The following TGM2 variants were observed in gnomAD, a reference collection of about 807,000 sequenced individuals.
TGM2 encodes protein-glutamine gamma-glutamyltransferase 2.
Under a neutral mutation model 75.6 loss-of-function variants are expected in TGM2, and 53 were observed. The observed-to-expected ratio is 0.70, with a 90% CI of 0.56 to 0.88. The LOEUF (loss-of-function observed/expected upper bound fraction) is 0.88, where lower values mean the gene tolerates loss of function less well. Ranked by LOEUF, TGM2 falls within the 40% of genes least tolerant of loss-of-function variation. The pLI is 0.00. For missense variants in TGM2, 842 were observed against 928.5 expected (o/e 0.91, Z 1.21); for synonymous variants, 374 against 381.1 (o/e 0.98, Z 0.22).
chr20:38,163,172 G>A (rs1233627766), intron 1 of TGM2, among the ~76,000 whole-genome samples: 1 of 152,186 alleles, frequency 6.6e-6, no homozygotes, highest in East Asian at 1.9e-4. Context: ...GGGGGTCTTG[G>A]GGGAAAACAA....
intron 6 of TGM2, 129 bp from the exon 7 acceptor site, chr20:38,142,328 C>T: frequency 6.9e-7 from 1 of 1,446,606 alleles, no homozygotes; most frequent in Non-Finnish European, 9.4e-7. Flanking sequence ...ATGAGCCAGC[C>T]CTTCCTGCCG....
chr20:38,128,645 A>C lies in TGM2; in HGVS notation c.*1574T>G, dbSNP rs1333263643. On this transcript the variant is annotated 3_prime_UTR_variant, in exon 13 of 13. Coordinates refer to ENST00000361475, the MANE Select transcript of TGM2 (RefSeq NM_004613.4). The stretch of plus-strand genomic sequence containing the variant: ...TTCCTGTGCAAAGCAGAAAGTTCTA[A>C]ATGCAACAGCATGATTCTCTCCAAG... 1 of 152,210 alleles carries C rather than the reference A, an allele frequency of 6.6e-6. No individual in the cohort carries two copies. Among genetic ancestry groups the C allele is most frequent in the Non-Finnish European group, 1.5e-5 (1 of 68,046 alleles). The allele number at this position is 152,210 out of a possible 1,614,324, so 9.4% of individuals were successfully genotyped here. A position where few individuals can be genotyped will look rare whatever the true frequency, so the allele number is the denominator to read the frequency against.
intron 2 of TGM2, 133 bp downstream of exon 2, chr20:38,161,287 G>T: frequency 8.1e-7 from 1 of 1,232,816 alleles, no homozygotes; most frequent in Non-Finnish European, 1.2e-6. Flanking sequence ...GCTGATGACA[G>T]GTGGCAATCT....
rs1001959410 is a variant in TGM2, at chr20:38,138,139, A to G, written c.1589T>C (p.Leu530Pro). The G allele has an allele frequency of 1.3e-6, 2 of 1,599,918 alleles. No homozygotes were observed. Among genetic ancestry groups the G allele is most frequent in the Non-Finnish European group, 1.7e-6 (2 of 1,173,364 alleles). ...LGPECGTKYL[L>P]NLNLEPFSEK... ...AGAGAAAGGCTCCAGGTTGAGGTTG[A>G]GCAGGTACTTGGTGCCACACTCGGG... The change falls in exon 10 of 13, where the codon CTC (leucine) becomes CCC (proline). Residue 530 changes from leucine to proline, a missense_variant. Physicochemically the swap from Leu to Pro is moderately conservative, Grantham distance 98 (BLOSUM62 -3). Transcript: ENST00000361475.
intron 11 of TGM2, 65 bp downstream of exon 11, chr20:38,132,275 G>A: frequency 6.3e-7 from 1 of 1,587,762 alleles, no homozygotes; most frequent in Non-Finnish European, 8.6e-7. Flanking sequence ...GTGGGGGTAG[G>A]GATCTGCCCT....
intron 1 of TGM2, among the ~76,000 whole-genome samples, chr20:38,161,969 A>G (rs1324932159): frequency 1.3e-5 from 2 of 152,044 alleles, no homozygotes; most frequent in East Asian, 3.9e-4. Context: ...TTTATCAGTG[A>G]GCTGGGACTA....
rs1187573694 is a variant in TGM2 at position 38,129,467 on chromosome 20, C to T, written c.*752G>A. On this transcript the variant is annotated 3_prime_UTR_variant, in exon 13 of 13. Coordinates refer to ENST00000361475, the MANE Select transcript of TGM2 (RefSeq NM_004613.4). The stretch of plus-strand genomic sequence containing the variant: ...CCCAGACTCTGCTCTTGGGCCTTCA[C>T]ATTACCCAGCCTTGCTAATAACCAC... 1.3e-5 allele frequency: 2 copies of T among 152,256 alleles called. No homozygotes were observed. Among genetic ancestry groups the T allele is most frequent in the African/African-American group, 4.8e-5 (2 of 41,458 alleles). 9.4% of individuals were successfully genotyped at this position (152,256 alleles called of 1,614,324 possible).
intron 6 of TGM2, 165 bp downstream of exon 6, chr20:38,146,552 T>C (rs757171255): frequency 1.2e-6 from 1 of 800,026 alleles, no homozygotes; most frequent in Non-Finnish European, 2.1e-6. Context: ...GGATGGCTAT[T>C]GGATAAAGGA....
intron 6 of TGM2, 141 bp from the exon 7 acceptor site, chr20:38,142,340 G>T (rs1379244193): frequency 3.7e-6 from 5 of 1,351,626 alleles, no homozygotes; most frequent in Non-Finnish European, 5.0e-6. Flanking sequence ...TTCCTGCCGG[G>T]ACAATGGCGC....
rs2074806963 is a variant in TGM2, at chr20:38,130,082, C to G, written c.*137G>C. ...GCTGAGATGGGCCAGGGGCACATTC[C>G]ATTTCCGAGAGCCCCCATAGGCTGC... On this transcript the variant is annotated 3_prime_UTR_variant, in exon 13 of 13. Transcript: ENST00000361475. 1 of 1,186,556 alleles carries G rather than the reference C, an allele frequency of 8.4e-7. No homozygotes were observed. The highest frequency in any genetic ancestry group is 1.5e-5 in the African/African-American group (1 of 66,148). 73.5% of individuals were successfully genotyped at this position (1,186,556 alleles called of 1,614,324 possible). A position where few individuals can be genotyped will look rare whatever the true frequency, so the allele number is the denominator to read the frequency against.
rs755602421 is a variant in TGM2, at chr20:38,128,019, A to T, written c.*2200T>A. 8 of 152,242 alleles carry T rather than the reference A, an allele frequency of 5.3e-5. No individual in the cohort carries two copies. The highest frequency in any genetic ancestry group is 4.4e-5 in the Non-Finnish European group (3 of 68,054). The allele number at this position is 152,242 out of a possible 1,614,324, so 9.4% of individuals were successfully genotyped here. ...GAAGGGGACAGATAGGCCAACGTGG[A>T]AGTAAAATTTACTGTGATAAATGTT... On this transcript the variant is annotated 3_prime_UTR_variant, in exon 13 of 13. Coordinates refer to ENST00000361475, the MANE Select transcript of TGM2 (RefSeq NM_004613.4).
intron 6 of TGM2, 145 bp from the exon 7 acceptor site, chr20:38,142,344 ATG>A: frequency 7.6e-7 from 1 of 1,311,400 alleles, no homozygotes; most frequent in Non-Finnish European, 1.0e-6. Flanking sequence ...TGCCGGGACA[ATG>A]GCGCCCACCT....
chr20:38,138,049 A>AG (rs539360743), intron 10 of TGM2, 64 bp downstream of exon 10: 198 of 1,517,506 alleles, frequency 1.3e-4, no homozygotes, highest in Non-Finnish European at 1.5e-4. Flanking sequence ...CTAAGTGGTT[A>AG]GGTCACTACC....
At chr20:38,146,613 G>A (rs1194428449) in intron 6 of TGM2, 104 bp downstream of exon 6, 1 of 1,372,266 alleles carries the variant, frequency 7.3e-7, no homozygotes, top group East Asian at 2.4e-5. Flanking sequence ...TGAGAGTGTT[G>A]GTGGCAGGGG....
rs1489428800 is a variant in TGM2, at chr20:38,128,184, G to T, written c.*2035C>A. On this transcript the variant is annotated 3_prime_UTR_variant, in exon 13 of 13. Transcript: ENST00000361475. ...GGGAAAGAAAAGGAGGGGCACTCCA[G>T]GCTCAGGGAACTACATACACAAAAG... is the stretch of plus-strand genomic sequence containing the variant. 1 of 152,236 alleles carries T rather than the reference G, an allele frequency of 6.6e-6. No homozygotes were observed. The highest frequency in any genetic ancestry group is 1.9e-4 in the East Asian group (1 of 5,196). 9.4% of individuals were successfully genotyped at this position (152,236 alleles called of 1,614,324 possible).
At chr20:38,149,025 G>C (rs952904790) in intron 4 of TGM2, among the ~76,000 whole-genome samples, 1 of 152,172 alleles carries the variant, frequency 6.6e-6, no homozygotes, top group South Asian at 2.1e-4. Flanking sequence ...GTTCAGGGCT[G>C]TTCCACAAAC....
chr20:38,152,014 G>C (rs1473651164), intron 3 of TGM2, among the ~76,000 whole-genome samples: 3 of 152,180 alleles, frequency 2.0e-5, no homozygotes, highest in Non-Finnish European at 4.4e-5. Flanking sequence ...TGAGCCCCAG[G>C]CACTCTTGAC....
At chr20:38,135,434 T>C (rs5018735) in intron 10 of TGM2, among the ~76,000 whole-genome samples, 953 of 85,804 alleles carry the variant, frequency 0.011, 8 homozygotes, top group African/African-American at 0.032. Context: ...CACACACACA[T>C]ACACACACAC....
intron 11 of TGM2, 78 bp from the exon 12 acceptor site, chr20:38,131,307 C>A (rs369962582): frequency 2.1e-5 from 34 of 1,599,724 alleles, no homozygotes; most frequent in East Asian, 1.1e-4. Context: ...CAATTTGGCC[C>A]AATATTTGCT....
Sources: gnomAD v4.1 joint callset for allele counts (sites outside exome capture counted in the v4.1 genomes callset) on GRCh38, gnomAD v4.1.1 for gene constraint, MANE v1.5 for transcripts, NCBI Gene and HGNC (gene_info 2026-07-23, HGNC 2026-07-21) for gene names.